The following WDR17 variants were observed in gnomAD, a reference collection of about 807,000 sequenced individuals.
WDR17 encodes the protein WD repeat domain 17, also known as WD repeat-containing protein 17.
WDR17 carries 143 observed loss-of-function variants against 161.7 expected under a neutral mutation model. The ratio of observed to expected loss-of-function variants is 0.88; its 90% CI spans 0.77 to 1.02. The LOEUF (loss-of-function observed/expected upper bound fraction) is 1.02. Ranked by LOEUF, WDR17 falls within the 50% of genes least tolerant of loss-of-function variation. The pLI is 0.00. For missense variants in WDR17, 1,469 were observed against 1,520.9 expected (o/e 0.97, Z 0.57); for synonymous variants, 517 against 515.6 (o/e 1.00, Z -0.04).
In WDR17 at chr4:176,085,493, C is replaced by G. The variant is rs1296312031; in HGVS notation, c.-7+19414C>G. Reference sequence around the variant, plus strand: ...ATGTAGACTTATATTCATATTCAGGCTAAACAGATTTTCTCATTCTTCTAT... The same window carrying G: ...ATGTAGACTTATATTCATATTCAGGGTAAACAGATTTTCTCATTCTTCTAT... On this transcript the variant is annotated intron_variant, in intron 1 of 28. Coordinates refer to ENST00000508596, the MANE Select transcript of WDR17 (RefSeq NM_181265.4). Among the ~76,000 whole-genome samples the G allele has an allele frequency of 1.3e-4, 20 of 152,052 alleles. 1 individual carries two copies. Among genetic ancestry groups the G allele is most frequent in the Admixed American group, 1.3e-3 (20 of 15,250 alleles).
chr4:176,179,694 G>A lies in WDR17; in HGVS notation c.*115G>A, dbSNP rs1048071631. ...GAGGTTGGGAGAAGGATTGCAGGTT[G>A]GGAGAGGTGGGAAATAGCAGTGAAT... On this transcript the variant is annotated 3_prime_UTR_variant, in exon 29 of 29. Transcript: ENST00000508596. The A allele has an allele frequency of 2.9e-6, 3 of 1,019,506 alleles. No individual in the cohort carries two copies. Among genetic ancestry groups the A allele is most frequent in the African/African-American group, 3.3e-5 (2 of 60,282 alleles). 63.2% of individuals were successfully genotyped at this position (1,019,506 alleles called of 1,614,324 possible).
chr4:176,118,435 C>A (rs555768204), intron 3 of WDR17, among the ~76,000 whole-genome samples: 1 of 152,046 alleles, frequency 6.6e-6, no homozygotes, highest in Non-Finnish European at 1.5e-5. Flanking sequence ...ATTTTACTGG[C>A]GTTTTTCATG....
chr4:176,098,708 CTTTG>C lies in WDR17; in HGVS notation c.-6-12862_-6-12859del, dbSNP rs1480695182. 6.6e-5 allele frequency among the ~76,000 whole-genome samples: 10 copies of C among 151,806 alleles called. No individual in the cohort carries two copies. The South Asian group carries it at 8.3e-4, about 13-fold the overall frequency. ...ATAATTTAGAAATTCACATATTAGA[CTTTG>C]TTTGAATATGTAATTCAGATTTTAA... On this transcript the variant is annotated intron_variant, in intron 1 of 28. Transcript: ENST00000508596.
chr4:176,114,556 G>T (rs1276062314), intron 2 of WDR17, among the ~76,000 whole-genome samples: 1 of 152,048 alleles, frequency 6.6e-6, no homozygotes, highest in African/African-American at 2.4e-5. Context: ...AATTGACCAA[G>T]CCTTACTCTG....
chr4:176,145,711 G>C (rs1251941960), intron 11 of WDR17, among the ~76,000 whole-genome samples: 1 of 152,138 alleles, frequency 6.6e-6, no homozygotes, highest in South Asian at 2.1e-4. Flanking sequence ...TCTTGAAAAA[G>C]AACTTATAGA....
intron 1 of WDR17, among the ~76,000 whole-genome samples, chr4:176,092,877 A>G (rs767154127): frequency 6.6e-6 from 1 of 152,112 alleles, no homozygotes; most frequent in Non-Finnish European, 1.5e-5. Context: ...AGCCGTCTCT[A>G]CTAAAAATAC....
rs200351608 is a variant in WDR17, at chr4:176,177,084, C to A, written c.3476C>A (p.Ser1159Ter). ...CAGCTATTAAAACGTCGGGAGGTGT[C>A]AGTACCTTTAAAAATTGAATATCTT... ...TSQLLKRREV[S>*]VPLKIEYLSE... Residue 1159 changes from serine to a stop codon, truncating the protein, a stop_gained, in exon 27 of 29, where the codon TCA (serine) becomes TAA (stop). Coordinates refer to ENST00000508596, the MANE Select transcript of WDR17 (RefSeq NM_181265.4). LOFTEE classifies it high-confidence loss of function. 2 of 1,613,848 alleles carry A rather than the reference C, an allele frequency of 1.2e-6. No individual in the cohort carries two copies. Among genetic ancestry groups the A allele is most frequent in the Non-Finnish European group, 1.7e-6 (2 of 1,179,870 alleles).
Position 176,074,354 on chromosome 4 carries a change from A to G in WDR17, c.-7+8275A>G, listed in dbSNP as rs543583406. The stretch of plus-strand genomic sequence containing the variant: ...CATTATTTTTATTTTTCTCTATTCC[A>G]CAGATTATCTTGAGAGATATATATA... On this transcript the variant is annotated intron_variant, in intron 1 of 28. Transcript: ENST00000508596. Among the ~76,000 whole-genome samples, 8 of 125,918 alleles carry G rather than the reference A, an allele frequency of 6.4e-5. No homozygotes were observed. The South Asian group carries it at 2.3e-3, about 36-fold the overall frequency. 82.6% of individuals were successfully genotyped at this position (125,918 alleles called of 152,430 possible).
intron 1 of WDR17, chr4:176,068,264 A>T (rs960516906): frequency 6.6e-6 from 1 of 152,204 alleles, no homozygotes; most frequent in Non-Finnish European, 1.5e-5. Context: ...GTACGTCTTC[A>T]GGAACAGAGA....
intron 1 of WDR17, among the ~76,000 whole-genome samples, chr4:176,089,942 G>A (rs1735906222): frequency 6.6e-6 from 1 of 152,038 alleles, no homozygotes; most frequent in African/African-American, 2.4e-5. Context: ...ATGTATAAGT[G>A]GAAACAAGCA....
intron 3 of WDR17, 128 bp from the exon 4 acceptor site, chr4:176,119,739 C>T (rs1741238428): frequency 2.4e-6 from 2 of 847,732 alleles, no homozygotes; most frequent in East Asian, 5.4e-5. Flanking sequence ...AAATCCAATT[C>T]CCAAATAAGA....
At chr4:176,165,946 A>G (rs1249354719) in intron 22 of WDR17, among the ~76,000 whole-genome samples, 3 of 152,228 alleles carry the variant, frequency 2.0e-5, no homozygotes, top group Admixed American at 6.5e-5. Context: ...GAAAGCTGTA[A>G]TCCTCCTGGC....
Position 176,167,857 on chromosome 4 carries a change from A to C in WDR17, c.2991-815A>C, listed in dbSNP as rs1010991988. The stretch of plus-strand genomic sequence containing the variant: ...TAGTCCACTGATTGGATCTTTAATA[A>C]GTAAATAGGCCGGTCTCGGTGGCTC... On this transcript the variant is annotated intron_variant, in intron 22 of 28. Transcript: ENST00000508596. Among the ~76,000 whole-genome samples the C allele has an allele frequency of 2.0e-5, 3 of 152,066 alleles. No individual in the cohort carries two copies. The East Asian group carries it at 5.8e-4, about 30-fold the overall frequency.
In WDR17 at chr4:176,161,012, T is replaced by A. The variant is rs1359953419; in HGVS notation, c.2750+10T>A. 6.2e-7 allele frequency: 1 copy of A among 1,600,018 alleles called. No homozygotes were observed. Among genetic ancestry groups the A allele is most frequent in the South Asian group, 1.1e-5 (1 of 87,812 alleles). On this transcript the variant is annotated intron_variant, in intron 20 of 28. Transcript: ENST00000508596. Reference sequence around the variant, plus strand: ...AGGAAGACTTTAATGAGTGAGTGATTTATTTGCTCTGGGTCCATATGTTTT... The same window carrying A: ...AGGAAGACTTTAATGAGTGAGTGATATATTTGCTCTGGGTCCATATGTTTT...
chr4:176,170,828 CACA>C (rs1218657148), intron 23 of WDR17, among the ~76,000 whole-genome samples: 1 of 152,290 alleles, frequency 6.6e-6, no homozygotes, highest in Non-Finnish European at 1.5e-5. Flanking sequence ...TGAACAATTT[CACA>C]AGTACAGATG....
intron 27 of WDR17, 22 bp downstream of exon 27, chr4:176,177,178 A>AT (rs1483323028): frequency 6.3e-7 from 1 of 1,593,266 alleles, no homozygotes; most frequent in Admixed American, 1.7e-5. Flanking sequence ...TGATATAAAA[A>AT]TTGGAATGCA....
In WDR17 at chr4:176,181,269, C is replaced by G. The variant is rs1752127813; in HGVS notation, c.*1690C>G. The G allele has an allele frequency of 6.6e-6, 1 of 151,758 alleles. No homozygotes were observed. Among genetic ancestry groups the G allele is most frequent in the Non-Finnish European group, 1.5e-5 (1 of 68,170 alleles). The allele number at this position is 151,758 out of a possible 1,614,324, so 9.4% of individuals were successfully genotyped here. ...AGATCTTGAGGTCGGTAGATGGAGACCATCCTGGCCAACATGGTGAAACCC... is the reference window on the plus strand; with the variant it reads ...AGATCTTGAGGTCGGTAGATGGAGAGCATCCTGGCCAACATGGTGAAACCC... On this transcript the variant is annotated 3_prime_UTR_variant, in exon 29 of 29. Transcript: ENST00000508596.
chr4:176,151,902 G>T lies in WDR17; in HGVS notation c.2395G>T (p.Ala799Ser). 1.2e-6 allele frequency: 2 copies of T among 1,613,414 alleles called. No homozygotes were observed. The highest frequency in any genetic ancestry group is 1.7e-6 in the Non-Finnish European group (2 of 1,179,760). Residue 799 changes from alanine (A) to serine (S), a missense_variant, in exon 17 of 29, where the codon GCT becomes TCT. Coordinates refer to ENST00000508596, the MANE Select transcript of WDR17 (RefSeq NM_181265.4). ...PAKEERLKEA[A>S]EIHLRLGQIQ... ...TAAAGAGGAAAGACTGAAGGAAGCT[G>T]CTGAAATCCACTTGAGATTAGGACA...
intron 1 of WDR17, among the ~76,000 whole-genome samples, chr4:176,101,598 A>G (rs1052680512): frequency 6.6e-6 from 1 of 152,324 alleles, no homozygotes; most frequent in Middle Eastern, 3.4e-3. Flanking sequence ...ACAAAGTGGG[A>G]TAACTAACAC....
Sources: allele counts gnomAD v4.1 joint callset (sites outside exome capture counted in the v4.1 genomes callset), GRCh38; gene constraint gnomAD v4.1.1; transcripts MANE v1.5; gene names NCBI Gene and HGNC (gene_info 2026-07-23, HGNC 2026-07-21).